KCNH1: variants seen among roughly 807,000 people sequenced by gnomAD.
The protein encoded by KCNH1 is potassium voltage-gated channel subfamily H member 1.
In KCNH1, 27 loss-of-function variants were observed where a neutral mutation model predicts 69.2. That is an observed-to-expected ratio of 0.39 (90% CI 0.29 to 0.54). The LOEUF is 0.54. Ranked by LOEUF, KCNH1 falls within the 20% of genes least tolerant of loss-of-function variation. The probability of loss-of-function intolerance (pLI) is 0.68; values close to 1 mark genes in which losing one functional copy is unlikely to be tolerated. For synonymous variants in KCNH1, 456 were observed against 487.7 expected, an observed-to-expected ratio of 0.93 and a Z score of 0.86; for missense variants, 798 against 1,261.6, an observed-to-expected ratio of 0.63 and a Z score of 5.57.
intron 6 of KCNH1, among the ~76,000 whole-genome samples, chr1:210,956,215 G>A (rs1688173722): frequency 6.6e-6 from 1 of 152,162 alleles, no homozygotes; most frequent in Non-Finnish European, 1.5e-5. Context: ...TTACTGATTT[G>A]AGTATGTTGA....
At chr1:210,713,643 T>C (rs926225042) in intron 10 of KCNH1, among the ~76,000 whole-genome samples, 1 of 152,136 alleles carries the variant, frequency 6.6e-6, no homozygotes, top group Non-Finnish European at 1.5e-5. Flanking sequence ...GAACATCCCA[T>C]CCGTCTGCGA....
At chr1:210,720,344 C>T (rs930471915) in intron 10 of KCNH1, among the ~76,000 whole-genome samples, 5 of 152,228 alleles carry the variant, frequency 3.3e-5, no homozygotes, top group South Asian at 2.1e-4. Flanking sequence ...GGAGGTATAA[C>T]GCAAATAGAA....
chr1:210,730,820 G>A (rs1386415174), intron 10 of KCNH1, among the ~76,000 whole-genome samples: 3 of 152,144 alleles, frequency 2.0e-5, no homozygotes, highest in Admixed American at 1.3e-4. Context: ...AATTTGGAAT[G>A]CCCATGTTGC....
chr1:210,782,020 GC>G (rs994325609), intron 9 of KCNH1, among the ~76,000 whole-genome samples: 2 of 152,020 alleles, frequency 1.3e-5, no homozygotes, highest in African/African-American at 4.8e-5. Flanking sequence ...CTACTCCTTG[GC>G]CTGGATGACT....
intron 5 of KCNH1, among the ~76,000 whole-genome samples, chr1:211,061,299 G>A (rs1209173771): frequency 6.6e-6 from 1 of 152,106 alleles, no homozygotes; most frequent in Non-Finnish European, 1.5e-5. Flanking sequence ...ACTAGATAGA[G>A]AAGGAACATA....
At chr1:211,019,928 G>T (rs1689559582) in intron 5 of KCNH1, among the ~76,000 whole-genome samples, 1 of 152,016 alleles carries the variant, frequency 6.6e-6, no homozygotes, top group Non-Finnish European at 1.5e-5. Context: ...AATTAAGAAG[G>T]AAATTTTAAA....
At chr1:211,081,238 T>C (rs1449743018) in intron 5 of KCNH1, among the ~76,000 whole-genome samples, 3 of 152,166 alleles carry the variant, frequency 2.0e-5, no homozygotes, top group African/African-American at 7.2e-5. Flanking sequence ...CACTGGTCAT[T>C]AGAGAAATGC....
At chr1:211,033,770 G>A (rs1208424610) in intron 5 of KCNH1, among the ~76,000 whole-genome samples, 1 of 152,092 alleles carries the variant, frequency 6.6e-6, no homozygotes, top group Non-Finnish European at 1.5e-5. Context: ...GTTGTGGGGT[G>A]GGGGGAGTGG....
intron 7 of KCNH1, chr1:210,860,970 G>GCCAA: frequency 1.0e-6 from 1 of 991,046 alleles, no homozygotes; most frequent in Non-Finnish European, 1.6e-6. Context: ...CAGCTAAAGA[G>GCCAA]CCAATCATGC....
intron 9 of KCNH1, among the ~76,000 whole-genome samples, chr1:210,781,538 C>T (rs1683986156): frequency 6.6e-6 from 1 of 152,036 alleles, no homozygotes; most frequent in African/African-American, 2.4e-5. Context: ...TCTCCTGGCC[C>T]TAGAAAAAAA....
At chr1:210,715,890 A>C (rs894286601) in intron 10 of KCNH1, among the ~76,000 whole-genome samples, 3 of 152,156 alleles carry the variant, frequency 2.0e-5, no homozygotes, top group African/African-American at 7.2e-5. Flanking sequence ...TCAGGGCAAC[A>C]GGGCCATTCT....
chr1:210,753,530 G>A (rs1683327064), intron 10 of KCNH1, among the ~76,000 whole-genome samples: 1 of 152,188 alleles, frequency 6.6e-6, no homozygotes, highest in Admixed American at 6.5e-5. Flanking sequence ...CCTGGGCTCA[G>A]GGCCCAAGTG....
chr1:210,809,779 A>G (rs1194166849), intron 7 of KCNH1, among the ~76,000 whole-genome samples: 4 of 152,164 alleles, frequency 2.6e-5, no homozygotes, highest in Admixed American at 1.3e-4. Context: ...GAGTCTTTCA[A>G]ACGGGCTGGT....
intron 10 of KCNH1, among the ~76,000 whole-genome samples, chr1:210,701,762 T>TC (rs775887337): frequency 6.6e-6 from 1 of 152,094 alleles, no homozygotes; most frequent in Non-Finnish European, 1.5e-5. Flanking sequence ...TCCATTTTTT[T>TC]CCCCCAGAGA....
At chr1:211,096,648 G>C (rs182586673) in intron 3 of KCNH1, among the ~76,000 whole-genome samples, 1 of 152,266 alleles carries the variant, frequency 6.6e-6, no homozygotes, top group Non-Finnish European at 1.5e-5. Flanking sequence ...TGAATTGTTT[G>C]TAGGTAAGAT....
At chr1:211,039,745 G>T (rs1415710327) in intron 5 of KCNH1, among the ~76,000 whole-genome samples, 2 of 152,122 alleles carry the variant, frequency 1.3e-5, no homozygotes, top group African/African-American at 2.4e-5. Flanking sequence ...CTCCCATTTG[G>T]AACAGCTGCA....
chr1:210,934,799 A>G (rs1161730808), intron 6 of KCNH1, among the ~76,000 whole-genome samples: 2 of 152,022 alleles, frequency 1.3e-5, no homozygotes, highest in African/African-American at 4.8e-5. Flanking sequence ...GCTAGTGAGG[A>G]TGAGACGAAA....
chr1:210,903,105 C>T (rs577173944), intron 7 of KCNH1, among the ~76,000 whole-genome samples: 31 of 147,028 alleles, frequency 2.1e-4, no homozygotes, highest in South Asian at 8.7e-4. Context: ...CCATGCCCTG[C>T]CATCTCTCTT....
At chr1:210,970,160 C>T (rs1208645692) in intron 6 of KCNH1, among the ~76,000 whole-genome samples, 2 of 152,028 alleles carry the variant, frequency 1.3e-5, no homozygotes, top group Non-Finnish European at 2.9e-5. Flanking sequence ...AGGTTTGTCA[C>T]ATAGGTATAC....
Sources: allele counts gnomAD v4.1 joint callset (sites outside exome capture counted in the v4.1 genomes callset), GRCh38; gene constraint gnomAD v4.1.1; transcripts MANE v1.5; gene names NCBI Gene and HGNC (gene_info 2026-07-23, HGNC 2026-07-21).